SLMAP: variants seen among roughly 807,000 people sequenced by gnomAD.
SLMAP encodes the protein sarcolemmal membrane-associated protein.
Under a neutral mutation model 128.8 loss-of-function variants are expected in SLMAP, and 44 were observed. The observed-to-expected ratio is 0.34, with a 90% CI of 0.27 to 0.44. The LOEUF (loss-of-function observed/expected upper bound fraction) is 0.44. SLMAP is among the 20% of genes least tolerant of loss of function. The probability of loss-of-function intolerance (pLI) is 1.00; values close to 1 mark genes in which losing one functional copy is unlikely to be tolerated. For synonymous variants in SLMAP, 327 were observed against 348.8 expected, an observed-to-expected ratio of 0.94 and a Z score of 0.70; for missense variants, 787 against 985.3, an observed-to-expected ratio of 0.80 and a Z score of 2.69.
chr3:57,895,481 C>G (rs2096217872), intron 15 of SLMAP, among the ~76,000 whole-genome samples: 4 of 151,986 alleles, frequency 2.6e-5, no homozygotes, highest in Admixed American at 2.6e-4. Flanking sequence ...ATTACAGGTG[C>G]CCAGCACCAT....
At chr3:57,775,179 G>C (rs1382814776) in intron 2 of SLMAP, among the ~76,000 whole-genome samples, 1 of 131,222 alleles carries the variant, frequency 7.6e-6, no homozygotes, top group Non-Finnish European at 1.6e-5. Context: ...CTCAGCCCCC[G>C]AGTAGCTGGG....
intron 2 of SLMAP, among the ~76,000 whole-genome samples, chr3:57,786,803 G>A (rs922396037): frequency 4.1e-5 from 6 of 146,648 alleles, no homozygotes; most frequent in Admixed American, 1.4e-4. Context: ...GTGTGATCTC[G>A]GCTCACTGCA....
intron 2 of SLMAP, among the ~76,000 whole-genome samples, chr3:57,778,409 CATT>C (rs1247770975): frequency 2.0e-5 from 3 of 150,646 alleles, no homozygotes; most frequent in Non-Finnish European, 3.0e-5. Flanking sequence ...GATTTATCAA[CATT>C]ATTGTTCTTC....
intron 4 of SLMAP, among the ~76,000 whole-genome samples, chr3:57,843,305 CT>C: frequency 2.4e-3 from 222 of 92,090 alleles, no homozygotes; most frequent in African/African-American, 4.5e-3. Flanking sequence ...CTTTCTTTTC[CT>C]TTTTTTTTTT....
At chr3:57,882,812 T>G (rs570557121) in intron 14 of SLMAP, among the ~76,000 whole-genome samples, 93 of 152,328 alleles carry the variant, frequency 6.1e-4, no homozygotes, top group Non-Finnish European at 1.2e-3. Context: ...TACAATCTTC[T>G]GATATGTGTT....
intron 6 of SLMAP, among the ~76,000 whole-genome samples, chr3:57,855,815 G>A (rs1577751918): frequency 2.6e-5 from 4 of 151,810 alleles, no homozygotes; most frequent in South Asian, 2.1e-4. Flanking sequence ...AGGCCAAGGC[G>A]GGCGGATCAC....
rs769226967 is a variant in SLMAP at position 57,862,093 on chromosome 3, A to G, written c.966+7A>G. ...TTTATCTGATAAATTAAAGGTATGT[A>G]TTTACTCTGCCTGAAAGTATGTTAA... On this transcript the variant is annotated splice_region_variant and intron_variant, in intron 10 of 24. Coordinates refer to ENST00000671191, the MANE Select transcript of SLMAP (RefSeq NM_001377540.1). The G allele has an allele frequency of 6.4e-6, 10 of 1,556,988 alleles. No individual in the cohort carries two copies. In the East Asian group the frequency reaches 1.3e-4, roughly 21 times the overall value.
intron 21 of SLMAP, among the ~76,000 whole-genome samples, chr3:57,916,097 A>G (rs1254565458): frequency 6.6e-6 from 1 of 151,520 alleles, no homozygotes; most frequent in African/African-American, 2.4e-5. Context: ...CAGAGGTTGC[A>G]GTGAGCCGAG....
At chr3:57,843,305 C>CTTTTTTTCTTT (rs2094036380) in intron 4 of SLMAP, among the ~76,000 whole-genome samples, 1 of 92,112 alleles carries the variant, frequency 1.1e-5, no homozygotes, top group Non-Finnish European at 2.0e-5. Context: ...CTTTCTTTTC[C>CTTTTTTTCTTT]TTTTTTTTTT....
At chr3:57,900,761 C>T (rs896180200) in intron 17 of SLMAP, 1 of 152,884 alleles carries the variant, frequency 6.5e-6, no homozygotes, top group African/African-American at 2.4e-5. Flanking sequence ...CAGCCCAGAT[C>T]GTGCCACTAC....
intron 2 of SLMAP, among the ~76,000 whole-genome samples, chr3:57,769,608 C>CGGTA (rs1408193245): frequency 3.3e-5 from 5 of 152,090 alleles, no homozygotes; most frequent in Non-Finnish European, 7.4e-5. Context: ...ACAGGGTGAG[C>CGGTA]TACCGCACCT....
At chr3:57,816,267 C>A (rs755860205) in intron 2 of SLMAP, among the ~76,000 whole-genome samples, 1 of 152,038 alleles carries the variant, frequency 6.6e-6, no homozygotes, top group Non-Finnish European at 1.5e-5. Flanking sequence ...CCTCAGCCCC[C>A]CAAGCAGCTG....
intron 6 of SLMAP, 71 bp from the exon 7 acceptor site, chr3:57,857,662 T>G (rs1392112726): frequency 1.0e-6 from 1 of 1,002,984 alleles, no homozygotes; most frequent in South Asian, 1.3e-5. Context: ...TAGAATATGC[T>G]GAAAATTGAT....
chr3:57,792,907 C>A (rs266846), intron 2 of SLMAP, among the ~76,000 whole-genome samples: 1 of 151,780 alleles, frequency 6.6e-6, no homozygotes, highest in Non-Finnish European at 1.5e-5. Context: ...AGAGGCTAAG[C>A]GGGGTGGATT....
chr3:57,816,914 G>A (rs1177197007), intron 2 of SLMAP, among the ~76,000 whole-genome samples: 1 of 152,214 alleles, frequency 6.6e-6, no homozygotes, highest in Non-Finnish European at 1.5e-5. Flanking sequence ...AAGACAGAGA[G>A]GCCTGGGGCT....
intron 3 of SLMAP, among the ~76,000 whole-genome samples, chr3:57,835,378 G>C (rs943239738): frequency 6.6e-6 from 1 of 152,024 alleles, no homozygotes; most frequent in Non-Finnish European, 1.5e-5. Flanking sequence ...CACTTCACTT[G>C]AGCCCAGGAA....
chr3:57,869,662 T>A (rs1298091191), intron 13 of SLMAP, among the ~76,000 whole-genome samples: 21 of 113,370 alleles, frequency 1.9e-4, no homozygotes, highest in Non-Finnish European at 3.4e-4. Context: ...ATATATATAA[T>A]ATATATAAAC....
chr3:57,830,212 T>C (rs540004786), intron 2 of SLMAP, among the ~76,000 whole-genome samples: 2 of 152,212 alleles, frequency 1.3e-5, no homozygotes, highest in South Asian at 4.2e-4. Context: ...ACCACCATGT[T>C]GGCGAGGCTG....
intron 15 of SLMAP, among the ~76,000 whole-genome samples, chr3:57,891,485 G>T (rs2096068491): frequency 6.6e-6 from 1 of 151,948 alleles, no homozygotes; most frequent in Admixed American, 6.6e-5. Context: ...ATCTTTGTAT[G>T]ATTTCCTTTT....
Sources: gnomAD v4.1 joint callset for allele counts (sites outside exome capture counted in the v4.1 genomes callset) on GRCh38, gnomAD v4.1.1 for gene constraint, MANE v1.5 for transcripts, NCBI Gene and HGNC (gene_info 2026-07-23, HGNC 2026-07-21) for gene names.